SLC7A2: variants seen among roughly 807,000 people sequenced by gnomAD.
The protein encoded by SLC7A2 is solute carrier family 7 member 2.
SLC7A2 carries 48 observed loss-of-function variants against 58.9 expected under a neutral mutation model. That is an observed-to-expected ratio of 0.82 (90% CI 0.65 to 1.04). The LOEUF (loss-of-function observed/expected upper bound fraction) is 1.04, where lower values mean the gene tolerates loss of function less well. Ranked by LOEUF, SLC7A2 falls within the 50% of genes least tolerant of loss-of-function variation. The probability of loss-of-function intolerance (pLI) is 0.00; values close to 1 mark genes in which losing one functional copy is unlikely to be tolerated. For missense variants in SLC7A2, 1,029 were observed against 818.8 expected (o/e 1.26, Z -3.13); for synonymous variants, 363 against 314.5 (o/e 1.15, Z -1.63).
chr8:17,544,604 C>A lies in SLC7A2; in HGVS notation c.530C>A (p.Ala177Glu). ...GCTGTGTGCCTTATATTACTTCTAG[C>A]AGGTAAGAAAACCAGTTATGAGTCT... ...FFAVCLILLL[A>E]GLLSFGVKES... The change falls in exon 4 of 13, where the codon GCA becomes GAA. Residue 177 changes from alanine (A) to glutamate (E), a missense_variant and splice_region_variant. Coordinates refer to ENST00000494857, the MANE Select transcript of SLC7A2 (RefSeq NM_001370338.1). The A allele has an allele frequency of 6.2e-7, 1 of 1,613,194 alleles. No homozygotes were observed. The highest frequency in any genetic ancestry group is 1.1e-5 in the South Asian group (1 of 90,894).
chr8:17,511,941 C>T (rs1490809296), intron 2 of SLC7A2, among the ~76,000 whole-genome samples: 2 of 152,162 alleles, frequency 1.3e-5, no homozygotes, highest in African/African-American at 2.4e-5. Flanking sequence ...CATGATCTGT[C>T]GTTCTGTAAG....
rs752382633 is a variant in SLC7A2, at chr8:17,551,903, C to T, written c.972C>T (p.Pro324=). Residue 324 remains proline, a synonymous_variant, in exon 7 of 13, where the codon CCC becomes CCT. Coordinates refer to ENST00000494857, the MANE Select transcript of SLC7A2 (RefSeq NM_001370338.1). ...MPYYLLDEKS[P]LPVAFEYVGW... The stretch of plus-strand genomic sequence containing the variant: ...ACTACCTCCTCGATGAAAAAAGCCC[C>T]CTTCCTGTAGCGTTTGAATATGTGG... 10 of 1,613,858 alleles carry T rather than the reference C, an allele frequency of 6.2e-6. No homozygotes were observed. Among genetic ancestry groups the T allele is most frequent in the African/African-American group, 1.3e-5 (1 of 74,848 alleles).
At chr8:17,524,591 A>G (rs1801151727) in intron 2 of SLC7A2, among the ~76,000 whole-genome samples, 1 of 152,112 alleles carries the variant, frequency 6.6e-6, no homozygotes, top group South Asian at 2.1e-4. Flanking sequence ...TCTCAGTCAC[A>G]TGTGGGAGCT....
intron 2 of SLC7A2, among the ~76,000 whole-genome samples, chr8:17,502,633 A>G (rs1462822460): frequency 6.6e-6 from 1 of 152,158 alleles, no homozygotes; most frequent in Admixed American, 6.5e-5. Context: ...AAAATTTTTG[A>G]TAATCATTCC....
chr8:17,504,317 A>G (rs1030308984), intron 2 of SLC7A2, among the ~76,000 whole-genome samples: 1 of 152,198 alleles, frequency 6.6e-6, no homozygotes, highest in African/African-American at 2.4e-5. Flanking sequence ...CTCCTGGACC[A>G]CTGGTCAGTT....
intron 2 of SLC7A2, among the ~76,000 whole-genome samples, chr8:17,513,835 A>C (rs1159038763): frequency 2.0e-5 from 3 of 151,978 alleles, no homozygotes; most frequent in Non-Finnish European, 2.9e-5. Flanking sequence ...TCATTCTCAG[A>C]TTAAGTTATA....
intron 2 of SLC7A2, among the ~76,000 whole-genome samples, chr8:17,502,901 G>A (rs1425815426): frequency 6.6e-6 from 1 of 151,836 alleles, no homozygotes; most frequent in Non-Finnish European, 1.5e-5. Context: ...TGGGTGCTGG[G>A]TGCATGTTCA....
At chr8:17,563,123 A>G (rs769051170) in intron 11 of SLC7A2, among the ~76,000 whole-genome samples, 1 of 152,184 alleles carries the variant, frequency 6.6e-6, no homozygotes, top group Non-Finnish European at 1.5e-5. Flanking sequence ...AGCTTGGGTG[A>G]CAGAGTGAGA....
intron 2 of SLC7A2, among the ~76,000 whole-genome samples, chr8:17,537,467 C>T (rs1177381561): frequency 1.3e-5 from 2 of 152,128 alleles, no homozygotes; most frequent in Non-Finnish European, 2.9e-5. Flanking sequence ...TCATTTTGTT[C>T]GTAAGAGCTT....
rs558050125 is a variant in SLC7A2 at position 17,507,181 on chromosome 8, G to C, written c.-23+4879G>C. On this transcript the variant is annotated intron_variant, in intron 2 of 12. Coordinates refer to ENST00000494857, the MANE Select transcript of SLC7A2 (RefSeq NM_001370338.1). ...AGGATGGTCTTGATCTGCTGACCTT[G>C]TGATCCACCCGCTTCGGCCCCACAA... 7.9e-5 allele frequency among the ~76,000 whole-genome samples: 12 copies of C among 152,178 alleles called. No homozygotes were observed. In the South Asian group the frequency reaches 1.7e-3, roughly 21 times the overall value.
intron 2 of SLC7A2, among the ~76,000 whole-genome samples, chr8:17,529,230 A>G (rs1310246882): frequency 6.6e-6 from 1 of 152,210 alleles, no homozygotes; most frequent in African/African-American, 2.4e-5. Flanking sequence ...CTGCAATCAC[A>G]GTAATTGTCC....
chr8:17,518,912 G>A (rs1367529682), intron 2 of SLC7A2, among the ~76,000 whole-genome samples: 2 of 152,138 alleles, frequency 1.3e-5, no homozygotes, highest in African/African-American at 4.8e-5. Context: ...TGAGCTCTGG[G>A]GAGGGCTCTT....
rs368580450 is a variant in SLC7A2 at position 17,512,399 on chromosome 8, T to A, written c.-23+10097T>A. 2.9e-4 allele frequency among the ~76,000 whole-genome samples: 44 copies of A among 152,142 alleles called. No homozygotes were observed. In the South Asian group the frequency reaches 9.1e-3, roughly 32 times the overall value. The stretch of plus-strand genomic sequence containing the variant: ...CTATGTCTGCTAAAAATACAAAAAT[T>A]AGCTGGGCATGGTGGCGCGTGTCTG... On this transcript the variant is annotated intron_variant, in intron 2 of 12. Coordinates refer to ENST00000494857, the MANE Select transcript of SLC7A2 (RefSeq NM_001370338.1).
Position 17,503,666 on chromosome 8 carries a change from A to G in SLC7A2, c.-23+1364A>G, listed in dbSNP as rs148513269. 4.2e-3 allele frequency among the ~76,000 whole-genome samples: 646 copies of G among 152,310 alleles called. 6 individuals are homozygous for G. Among genetic ancestry groups the G allele is most frequent in the African/African-American group, 0.014 (599 of 41,564 alleles). On this transcript the variant is annotated intron_variant, in intron 2 of 12. Coordinates refer to ENST00000494857, the MANE Select transcript of SLC7A2 (RefSeq NM_001370338.1). ...ACTTGCCAAGGTACTTGTCCTGACA[A>G]AAATTCAAATGGAAACTCTTCATGA...
At chr8:17,563,810 C>T (rs533229723) in intron 12 of SLC7A2, 99 bp downstream of exon 12, 15 of 729,972 alleles carry the variant, frequency 2.1e-5, no homozygotes, top group Admixed American at 2.6e-5. Context: ...TTTTTTTTCC[C>T]GCTTCTTTCT....
intron 2 of SLC7A2, among the ~76,000 whole-genome samples, chr8:17,517,052 A>T (rs920853462): frequency 6.6e-6 from 1 of 152,212 alleles, no homozygotes; most frequent in Non-Finnish European, 1.5e-5. Flanking sequence ...TAAGGTGGGA[A>T]TTCTATACGA....
In SLC7A2 at chr8:17,564,937, C is replaced by A; in HGVS notation, c.1781-13C>A. The stretch of plus-strand genomic sequence containing the variant: ...ACCTGAAACATTGATTTTTTTTTTT[C>A]CTGCCCCAACAGGCTTCCTGATTTA... On this transcript the variant is annotated splice_polypyrimidine_tract_variant and intron_variant, in intron 12 of 12. Transcript: ENST00000494857. The A allele has an allele frequency of 6.5e-7, 1 of 1,528,748 alleles. No individual in the cohort carries two copies. The highest frequency in any genetic ancestry group is 1.3e-5 in the South Asian group (1 of 79,254). 94.7% of individuals were successfully genotyped at this position (1,528,748 alleles called of 1,614,324 possible).
At chr8:17,515,352 G>T (rs1299205038) in intron 2 of SLC7A2, among the ~76,000 whole-genome samples, 1 of 150,632 alleles carries the variant, frequency 6.6e-6, no homozygotes, top group East Asian at 2.0e-4. Context: ...CTGGAGTGCA[G>T]TGTCGCAATC....
At chr8:17,518,764 C>G (rs1800900603) in intron 2 of SLC7A2, among the ~76,000 whole-genome samples, 1 of 152,038 alleles carries the variant, frequency 6.6e-6, no homozygotes, top group Non-Finnish European at 1.5e-5. Flanking sequence ...CTGACATTGT[C>G]CTGACATTGA....
Sources: gnomAD v4.1 joint callset for allele counts (sites outside exome capture counted in the v4.1 genomes callset) on GRCh38, gnomAD v4.1.1 for gene constraint, MANE v1.5 for transcripts, NCBI Gene and HGNC (gene_info 2026-07-23, HGNC 2026-07-21) for gene names.